Variants in NYAP1 observed in about 807,000 individuals in gnomAD.
NYAP1 encodes neuronal tyrosine phosphorylated phosphoinositide-3-kinase adaptor 1.
In NYAP1, 20 loss-of-function variants were observed where a neutral mutation model predicts 58.6. The ratio of observed to expected loss-of-function variants is 0.34; its 90% CI spans 0.24 to 0.50. NYAP1 has a LOEUF of 0.50. Among genes scored for constraint, NYAP1 ranks in the 20% least tolerant of loss-of-function variants. NYAP1 has a pLI of 0.98. For missense variants in NYAP1, 1,150 were observed against 1,194.5 expected (o/e 0.96, Z 0.55); for synonymous variants, 572 against 523.1 (o/e 1.09, Z -1.27).
intron 6 of NYAP1, among the ~76,000 whole-genome samples, chr7:100,493,015 A>C (rs796926901): frequency 6.6e-6 from 1 of 152,032 alleles, no homozygotes; most frequent in Admixed American, 6.6e-5. Flanking sequence ...AAAGAAAGAA[A>C]GGGAGGAAAG....
In NYAP1 at chr7:100,493,810, C is replaced by T. The variant is rs1035146943; in HGVS notation, c.2433C>T (p.Ile811=). 6.3e-7 allele frequency: 1 copy of T among 1,593,764 alleles called. No individual in the cohort carries two copies. The highest frequency in any genetic ancestry group is 2.3e-5 in the East Asian group (1 of 43,438). ...TCTGCAAGCAGGAGAGCATGCCCAT[C>T]CTCCCCAGCTGGCGGCGGGGACCCG... ...RGLCKQESMP[I]LPSWRRGPEP... is the part of the protein sequence containing the mutation. Residue 811 remains isoleucine (I), a synonymous_variant, in exon 7 of 7, where the codon ATC becomes ATT. Transcript: ENST00000300179.
intron 6 of NYAP1, among the ~76,000 whole-genome samples, chr7:100,492,418 C>T (rs1799808702): frequency 6.6e-6 from 1 of 152,098 alleles, no homozygotes; most frequent in Non-Finnish European, 1.5e-5. Flanking sequence ...GCCAACAGCA[C>T]ACCTTTGTGC....
Position 100,493,829 on chromosome 7 carries a change from G to A in NYAP1, c.2452G>A (p.Gly818Arg), listed in dbSNP as rs778808055. 3 of 1,575,146 alleles carry A rather than the reference G, an allele frequency of 1.9e-6. No homozygotes were observed. Among genetic ancestry groups the A allele is most frequent in the Non-Finnish European group, 2.6e-6 (3 of 1,165,086 alleles). Reference sequence around the variant, plus strand: ...GCCCATCCTCCCCAGCTGGCGGCGGGGACCCGAGCCCCGCAAGTCCGGCAC... The same window carrying A: ...GCCCATCCTCCCCAGCTGGCGGCGGAGACCCGAGCCCCGCAAGTCCGGCAC... ...SMPILPSWRRGPEPRKSGTPP... is the reference protein window; with the variant it reads ...SMPILPSWRRRPEPRKSGTPP... The change falls in exon 7 of 7, where the codon GGA becomes AGA. Residue 818 changes from glycine to arginine, a missense_variant. By Grantham distance (125) the Gly-to-Arg change is moderately radical (BLOSUM62 -2). Transcript: ENST00000300179.
chr7:100,486,674 C>G lies in NYAP1; in HGVS notation c.69-147C>G. The G allele has an allele frequency of 1.1e-6, 1 of 908,450 alleles. No homozygotes were observed. The highest frequency in any genetic ancestry group is 2.1e-5 in the South Asian group (1 of 48,518). 56.3% of individuals were successfully genotyped at this position (908,450 alleles called of 1,614,324 possible). A position where few individuals can be genotyped will look rare whatever the true frequency, so the allele number is the denominator to read the frequency against. On this transcript the variant is annotated intron_variant, in intron 2 of 6. Transcript: ENST00000300179. The surrounding 1 kb of genome is among the most constrained non-coding windows in gnomAD (Gnocchi z 6.2). ...TGCCTGAAGCCCCTTCATTGGTGCCCTGGACCTTCTGGCAACCCTGTCCCC... is the reference window on the plus strand; with the variant it reads ...TGCCTGAAGCCCCTTCATTGGTGCCGTGGACCTTCTGGCAACCCTGTCCCC...
Position 100,489,382 on chromosome 7 carries a change from C to T in NYAP1, c.1661C>T (p.Thr554Ile). 6.2e-7 allele frequency: 1 copy of T among 1,612,898 alleles called. No individual in the cohort carries two copies. Among genetic ancestry groups the T allele is most frequent in the Non-Finnish European group, 8.5e-7 (1 of 1,179,950 alleles). Reference protein sequence around the residue: ...PLTPLWTYPATAAGLKRPPAY... With the variant: ...PLTPLWTYPAIAAGLKRPPAY... ...ACCCCGCTGTGGACCTACCCAGCCA[C>T]AGCAGCTGGGCTCAAGAGACCCCCT... Residue 554 changes from threonine to isoleucine, a missense_variant, in exon 4 of 7, where the codon ACA becomes ATA. Coordinates refer to ENST00000300179, the MANE Select transcript of NYAP1 (RefSeq NM_173564.4).
In NYAP1 at chr7:100,489,219, T is replaced by C. The variant is rs766055514; in HGVS notation, c.1498T>C (p.Cys500Arg). The change falls in exon 4 of 7, where the codon TGT becomes CGT. Residue 500 changes from cysteine (C) to arginine (R), a missense_variant. Transcript: ENST00000300179. ...KEISVLHGMLCTSSRPPVPGK... is the reference protein window; with the variant it reads ...KEISVLHGMLRTSSRPPVPGK... ...GATCTCGGTCCTCCATGGGATGCTG[T>C]GTACCAGCTCAAGGCCCCCTGTGCC... 1 of 1,609,246 alleles carries C rather than the reference T, an allele frequency of 6.2e-7. No homozygotes were observed. Among genetic ancestry groups the C allele is most frequent in the South Asian group, 1.1e-5 (1 of 90,340 alleles).
Position 100,488,436 on chromosome 7 carries a change from C to G in NYAP1, c.715C>G (p.Leu239Val), listed in dbSNP as rs568764737. Residue 239 changes from leucine (L) to valine (V), a missense_variant, in exon 4 of 7, where the codon CTT becomes GTT. By Grantham distance (32) the Leu-to-Val change is conservative. Transcript: ENST00000300179. The surrounding 1 kb of genome is among the most constrained non-coding windows in gnomAD (Gnocchi z 5.9). ...TGGAGGAGGCCTGGCTGGGCCCCCT[C>G]TTGGGGGTGGGGGCCCGACCCCTCC... is the stretch of plus-strand genomic sequence containing the variant. ...RSGGGLAGPP[L>V]GGGGPTPPAG... The G allele has an allele frequency of 6.2e-7, 1 of 1,604,206 alleles. No individual in the cohort carries two copies. The highest frequency in any genetic ancestry group is 1.1e-5 in the South Asian group (1 of 90,304).
Position 100,486,892 on chromosome 7 carries a change from G to A in NYAP1, c.140G>A (p.Arg47Gln), listed in dbSNP as rs202135611. ...AAGQGPGVRV[R>Q]DIASLRRSLR... ...GGCCAGGGGCCTGGGGTCCGCGTGC[G>A]GGACATCGCCTCGCTGCGGCGCTCC... The change falls in exon 3 of 7, where the codon CGG becomes CAG. Residue 47 changes from arginine to glutamine, a missense_variant. By Grantham distance (43) the Arg-to-Gln change is conservative (BLOSUM62 1). Transcript: ENST00000300179. This position sits in a 1 kb window ranked among gnomAD's most constrained non-coding sequence, Gnocchi z 6.2. The A allele has an allele frequency of 4.7e-4, 744 of 1,572,304 alleles. 1 individual carries two copies. Among genetic ancestry groups the A allele is most frequent in the Non-Finnish European group, 5.7e-4 (667 of 1,162,314 alleles).
In NYAP1 at chr7:100,486,975, C is replaced by T. The variant is rs548123597; in HGVS notation, c.223C>T (p.Arg75Cys). ...CCAGGAGCACACCCCGCACCCCTGC[C>T]GCAGCGCCATGGCCCCACGCTCCCT... Reference protein sequence around the residue: ...ASQEHTPHPCRSAMAPRSLSC... With the variant: ...ASQEHTPHPCCSAMAPRSLSC... The change falls in exon 3 of 7, where the codon CGC becomes TGC. Residue 75 changes from arginine (R) to cysteine (C), a missense_variant. Arg to Cys is a radical substitution (Grantham distance 180). Transcript: ENST00000300179. The surrounding 1 kb of genome is among the most constrained non-coding windows in gnomAD (Gnocchi z 6.2). The T allele has an allele frequency of 2.9e-5, 46 of 1,607,816 alleles. No homozygotes were observed. Among genetic ancestry groups the T allele is most frequent in the Non-Finnish European group, 3.4e-5 (40 of 1,177,786 alleles).
Position 100,489,278 on chromosome 7 carries a change from C to A in NYAP1, c.1557C>A (p.Gly519=), listed in dbSNP as rs61385156. The change falls in exon 4 of 7, where the codon GGC becomes GGA. Residue 519 remains glycine, a synonymous_variant. Coordinates refer to ENST00000300179, the MANE Select transcript of NYAP1 (RefSeq NM_173564.4). ...CCAGCCCCCACGGTGGGGCCATGGGCGCAGCAGCTGGGGTCCTCCACCACC... is the reference window on the plus strand; with the variant it reads ...CCAGCCCCCACGGTGGGGCCATGGGAGCAGCAGCTGGGGTCCTCCACCACC... ...GKTSPHGGAM[G]AAAGVLHHRG... 2 of 1,599,632 alleles carry A rather than the reference C, an allele frequency of 1.3e-6. No individual in the cohort carries two copies. The highest frequency in any genetic ancestry group is 1.3e-5 in the African/African-American group (1 of 74,710).
In NYAP1 at chr7:100,489,190, A is replaced by G; in HGVS notation, c.1469A>G (p.Lys490Arg). The change falls in exon 4 of 7, where the codon AAG (lysine) becomes AGG (arginine). Residue 490 changes from lysine (K) to arginine (R), a missense_variant. Lys to Arg is a conservative substitution (Grantham distance 26). Transcript: ENST00000300179. ...GGTGCTGGGGAGCCAAAGACGGAGA[A>G]GGAGATCTCGGTCCTCCATGGGATG... Reference protein sequence around the residue: ...PLGAGEPKTEKEISVLHGMLC... With the variant: ...PLGAGEPKTEREISVLHGMLC... 1 of 1,611,066 alleles carries G rather than the reference A, an allele frequency of 6.2e-7. No individual in the cohort carries two copies. Among genetic ancestry groups the G allele is most frequent in the South Asian group, 1.1e-5 (1 of 90,574 alleles).
chr7:100,485,327 C>T lies in NYAP1; in HGVS notation c.16C>T (p.Arg6Ter), dbSNP rs1042212839. MNLLY[R>*]KTKLEWRQHK... Reference sequence around the variant, plus strand: ...GCCCCACGAGATGAACCTCCTCTACCGAAAAACCAAGCTGGAGTGGAGGCA... The same window carrying T: ...GCCCCACGAGATGAACCTCCTCTACTGAAAAACCAAGCTGGAGTGGAGGCA... Residue 6 changes from arginine (R) to a stop codon, truncating the protein, a stop_gained, in exon 2 of 7, where the codon CGA becomes TGA. Coordinates refer to ENST00000300179, the MANE Select transcript of NYAP1 (RefSeq NM_173564.4). LOFTEE classifies it high-confidence loss of function. This position sits in a 1 kb window ranked among gnomAD's most constrained non-coding sequence, Gnocchi z 5.7. The T allele has an allele frequency of 1.2e-6, 2 of 1,600,460 alleles. No individual in the cohort carries two copies. The highest frequency in any genetic ancestry group is 1.7e-6 in the Non-Finnish European group (2 of 1,172,812).
chr7:100,487,206 TGGGGTGGAGCTGGGA>T lies in NYAP1; in HGVS notation c.430+26_430+40del, dbSNP rs753092772. 6.1e-6 allele frequency: 9 copies of T among 1,475,928 alleles called. No individual in the cohort carries two copies. The African/African-American group carries it at 1.3e-4, about 21-fold the overall frequency. The allele number at this position is 1,475,928 out of a possible 1,614,324, so 91.4% of individuals were successfully genotyped here. On this transcript the variant is annotated intron_variant, in intron 3 of 6. Transcript: ENST00000300179. This position sits in a 1 kb window ranked among gnomAD's most constrained non-coding sequence, Gnocchi z 4.1. ...AGGTGAGATACCCCCTATCTCTCCC[TGGGGTGGAGCTGGGA>T]GCTGGGAGGATCTATTCCACGCCCG...
At position 100,488,486 on chromosome 7, in the gene NYAP1, A is replaced by G; in HGVS notation, c.765A>G (p.Glu255=). Residue 255 remains glutamate, a synonymous_variant, in exon 4 of 7, where the codon GAA becomes GAG. Coordinates refer to ENST00000300179, the MANE Select transcript of NYAP1 (RefSeq NM_173564.4). This position sits in a 1 kb window ranked among gnomAD's most constrained non-coding sequence, Gnocchi z 5.9. ...TPPAGADSDS[E]ESEAIYEEMK... is the part of the protein sequence containing the mutation. ...CAGCGGGCGCCGACTCGGACTCTGAAGAGAGTGAGGCCATCTATGAAGAGA... is the reference window on the plus strand; with the variant it reads ...CAGCGGGCGCCGACTCGGACTCTGAGGAGAGTGAGGCCATCTATGAAGAGA... 6.2e-7 allele frequency: 1 copy of G among 1,612,066 alleles called. No homozygotes were observed. The highest frequency in any genetic ancestry group is 8.5e-7 in the Non-Finnish European group (1 of 1,179,722).
Position 100,488,266 on chromosome 7 carries a change from C to A in NYAP1, c.545C>A (p.Pro182Gln), listed in dbSNP as rs202194930. The stretch of plus-strand genomic sequence containing the variant: ...GTCTCCTTCGATGAGTCCTGCCCCC[C>A]AGGCCCCTCTCCTCGAGGGGGGAAC... ...LSVSFDESCP[P>Q]GPSPRGGNLP... is the part of the protein sequence containing the mutation. Residue 182 changes from proline (P) to glutamine (Q), a missense_variant, in exon 4 of 7, where the codon CCA (proline) becomes CAA (glutamine). Pro to Gln is a moderately conservative substitution (Grantham distance 76). Coordinates refer to ENST00000300179, the MANE Select transcript of NYAP1 (RefSeq NM_173564.4). The surrounding 1 kb of genome is among the most constrained non-coding windows in gnomAD (Gnocchi z 5.9). 7 of 1,613,982 alleles carry A rather than the reference C, an allele frequency of 4.3e-6. No homozygotes were observed. The highest frequency in any genetic ancestry group is 4.5e-5 in the East Asian group (2 of 44,872).
chr7:100,492,719 G>C (rs1016700573), intron 6 of NYAP1, among the ~76,000 whole-genome samples: 1 of 151,816 alleles, frequency 6.6e-6, no homozygotes, highest in Non-Finnish European at 1.5e-5. Flanking sequence ...GGCGACATAG[G>C]GAGACCCTGT....
In NYAP1 at chr7:100,486,696, C is replaced by T. The variant is rs543732502; in HGVS notation, c.69-125C>T. 6.8e-6 allele frequency: 8 copies of T among 1,170,156 alleles called. No individual in the cohort carries two copies. The highest frequency in any genetic ancestry group is 9.1e-6 in the Non-Finnish European group (8 of 879,094). 72.5% of individuals were successfully genotyped at this position (1,170,156 alleles called of 1,614,324 possible). A position where few individuals can be genotyped will look rare whatever the true frequency, so the allele number is the denominator to read the frequency against. On this transcript the variant is annotated intron_variant, in intron 2 of 6. Coordinates refer to ENST00000300179, the MANE Select transcript of NYAP1 (RefSeq NM_173564.4). This position sits in a 1 kb window ranked among gnomAD's most constrained non-coding sequence, Gnocchi z 6.2. ...GCCCTGGACCTTCTGGCAACCCTGT[C>T]CCCACCCAGGCTCCCGTCCTCTTCC... is the stretch of plus-strand genomic sequence containing the variant.
In NYAP1 at chr7:100,489,685, G is replaced by T. The variant is rs1334361311; in HGVS notation, c.1945+19G>T. 2 of 1,424,802 alleles carry T rather than the reference G, an allele frequency of 1.4e-6. No individual in the cohort carries two copies. The highest frequency in any genetic ancestry group is 9.4e-7 in the Non-Finnish European group (1 of 1,066,898). The allele number at this position is 1,424,802 out of a possible 1,614,324, so 88.3% of individuals were successfully genotyped here. Reference sequence around the variant, plus strand: ...TTGGACAGTGAGTGAGGGGTGGGGAGTGGGGGCTGGCATCAGGGGTGGGGG... The same window carrying T: ...TTGGACAGTGAGTGAGGGGTGGGGATTGGGGGCTGGCATCAGGGGTGGGGG... On this transcript the variant is annotated intron_variant, in intron 4 of 6. Transcript: ENST00000300179.
chr7:100,492,307 G>T (rs1408584134), intron 6 of NYAP1, among the ~76,000 whole-genome samples: 1 of 152,142 alleles, frequency 6.6e-6, no homozygotes, highest in Non-Finnish European at 1.5e-5. Context: ...CCAGGAATGA[G>T]AGTGAGGGGG....
Sources: gnomAD v4.1 joint callset for allele counts (sites outside exome capture counted in the v4.1 genomes callset) on GRCh38, gnomAD v4.1.1 for gene constraint, Gnocchi (gnomAD v3.1) non-coding constraint, MANE v1.5 for transcripts, NCBI Gene and HGNC (gene_info 2026-07-23, HGNC 2026-07-21) for gene names.